GLIS3: variants seen among roughly 807,000 people sequenced by gnomAD.
The protein encoded by GLIS3 is GLIS family zinc finger 3.
In GLIS3, 53 loss-of-function variants were observed where a neutral mutation model predicts 78.6. The ratio of observed to expected loss-of-function variants is 0.67; its 90% CI spans 0.54 to 0.85. The LOEUF (loss-of-function observed/expected upper bound fraction) is 0.85. GLIS3 is among the 40% of genes least tolerant of loss of function. GLIS3 has a pLI of 0.00. For missense variants in GLIS3, 1,703 were observed against 1,231.1 expected (o/e 1.38, Z -5.74); for synonymous variants, 684 against 509.9 (o/e 1.34, Z -4.60).
At chr9:4,026,218 T>C (rs1427003653) in intron 4 of GLIS3, among the ~76,000 whole-genome samples, 1 of 152,118 alleles carries the variant, frequency 6.6e-6, no homozygotes, top group Non-Finnish European at 1.5e-5. Flanking sequence ...TTGAAGAGAG[T>C]GGATTTACCC....
At chr9:3,891,839 G>A (rs776419078) in intron 7 of GLIS3, among the ~76,000 whole-genome samples, 14 of 152,084 alleles carry the variant, frequency 9.2e-5, no homozygotes, top group South Asian at 4.1e-4. Context: ...CTGATGCATC[G>A]CATCTTTCAT....
intron 4 of GLIS3, among the ~76,000 whole-genome samples, chr9:3,983,990 C>G (rs1363927771): frequency 6.6e-6 from 1 of 152,230 alleles, no homozygotes; most frequent in African/African-American, 2.4e-5. Context: ...CAGGGCATGT[C>G]AGAGGTCTTC....
At chr9:4,364,756 C>CTTTTTTTTTTTTTTTTTTTTTTT in the GLIS3 span, among the ~76,000 whole-genome samples, 2 of 61,080 alleles carry the variant, frequency 3.3e-5, no homozygotes, top group South Asian at 8.5e-4. Context: ...TCATGTATTG[C>CTTTTTTTTTTTTTTTTTTTTTTT]TTTTTTTTTT....
At chr9:4,281,530 C>T (rs140775212) in intron 2 of GLIS3, among the ~76,000 whole-genome samples, 83 of 152,324 alleles carry the variant, frequency 5.4e-4, no homozygotes, top group African/African-American at 1.8e-3. Flanking sequence ...AGGAATCATA[C>T]AATACGTGTC....
chr9:4,180,528 T>C (rs562692381), intron 2 of GLIS3, among the ~76,000 whole-genome samples: 2 of 152,148 alleles, frequency 1.3e-5, no homozygotes, highest in Non-Finnish European at 2.9e-5. Context: ...GTATCACACA[T>C]AGTTGGCACT....
intron 2 of GLIS3, among the ~76,000 whole-genome samples, chr9:4,225,152 T>C (rs16920936): frequency 0.033 from 4,961 of 152,026 alleles, 271 homozygotes; most frequent in African/African-American, 0.11. Flanking sequence ...CTTGCCTATA[T>C]ATACAAAGTT....
the GLIS3 span, among the ~76,000 whole-genome samples, chr9:4,376,399 G>C: frequency 6.6e-6 from 1 of 152,140 alleles, no homozygotes; most frequent in Non-Finnish European, 1.5e-5. Flanking sequence ...ACATTATTCA[G>C]TTTAAAAAGT....
intron 4 of GLIS3, among the ~76,000 whole-genome samples, chr9:3,972,824 T>C (rs573301632): frequency 3.9e-5 from 6 of 152,330 alleles, no homozygotes; most frequent in African/African-American, 9.6e-5. Flanking sequence ...ACTTCGCTTA[T>C]AGAAAAGCAT....
At chr9:4,179,200 C>A (rs866277775) in intron 2 of GLIS3, among the ~76,000 whole-genome samples, 1 of 152,166 alleles carries the variant, frequency 6.6e-6, no homozygotes, top group South Asian at 2.1e-4. Flanking sequence ...AATGTGTGAA[C>A]CAAACATGAG....
the GLIS3 span, among the ~76,000 whole-genome samples, chr9:4,429,264 C>G: frequency 6.6e-6 from 1 of 152,102 alleles, no homozygotes; most frequent in African/African-American, 2.4e-5. Flanking sequence ...GATAAAGTTC[C>G]TGAACATCAC....
At chr9:4,215,199 A>C (rs1009753648) in intron 2 of GLIS3, among the ~76,000 whole-genome samples, 1 of 152,158 alleles carries the variant, frequency 6.6e-6, no homozygotes, top group Non-Finnish European at 1.5e-5. Flanking sequence ...AGGCAAATAA[A>C]TTTACATGAA....
At chr9:4,025,137 C>T (rs770091970) in intron 4 of GLIS3, among the ~76,000 whole-genome samples, 14 of 151,982 alleles carry the variant, frequency 9.2e-5, no homozygotes, top group African/African-American at 2.4e-4. Context: ...CTGTAATCCT[C>T]GCTACTCGGG....
intron 2 of GLIS3, among the ~76,000 whole-genome samples, chr9:4,282,656 T>C (rs1315088083): frequency 6.6e-6 from 1 of 152,050 alleles, no homozygotes; most frequent in African/African-American, 2.4e-5. Flanking sequence ...CTCTCCTGGG[T>C]CTCCAGCTGA....
chr9:4,286,980 G>A (rs1241216885), intron 1 of GLIS3, among the ~76,000 whole-genome samples: 3 of 152,182 alleles, frequency 2.0e-5, no homozygotes, highest in Non-Finnish European at 4.4e-5. Context: ...AGACTATGGG[G>A]ACACTAAACC....
At chr9:4,339,617 G>A (rs778191007) in intron 2 of GLIS3, among the ~76,000 whole-genome samples, 2 of 149,464 alleles carry the variant, frequency 1.3e-5, no homozygotes, top group Non-Finnish European at 3.0e-5. Flanking sequence ...GTGTATTTAG[G>A]GTCAGGTAAA....
intron 2 of GLIS3, among the ~76,000 whole-genome samples, chr9:4,241,054 A>G (rs1823260381): frequency 1.3e-5 from 2 of 152,138 alleles, no homozygotes; most frequent in East Asian, 1.9e-4. Flanking sequence ...CAAAATACTG[A>G]TTGCAAATAA....
chr9:4,087,847 C>T (rs1301237573), intron 4 of GLIS3, among the ~76,000 whole-genome samples: 1 of 152,202 alleles, frequency 6.6e-6, no homozygotes, highest in Non-Finnish European at 1.5e-5. Flanking sequence ...CTCACAGCCA[C>T]AAGGAATTAT....
intron 4 of GLIS3, among the ~76,000 whole-genome samples, chr9:4,107,740 A>C (rs560332729): frequency 3.6e-4 from 54 of 149,528 alleles, no homozygotes; most frequent in Non-Finnish European, 2.8e-4. Context: ...GATCAGAAGA[A>C]CACAGGTTAC....
chr9:4,196,532 C>G (rs1265465570), intron 2 of GLIS3, among the ~76,000 whole-genome samples: 1 of 152,202 alleles, frequency 6.6e-6, no homozygotes, highest in African/African-American at 2.4e-5. Context: ...ACTCCTGAGG[C>G]CAGCAAGACC....
Sources: gnomAD v4.1 joint callset for allele counts (sites outside exome capture counted in the v4.1 genomes callset) on GRCh38, gnomAD v4.1.1 for gene constraint, MANE v1.5 for transcripts, NCBI Gene and HGNC (gene_info 2026-07-23, HGNC 2026-07-21) for gene names.